Variants in PLCE1 observed in about 807,000 individuals in gnomAD.
PLCE1 encodes the protein phospholipase C epsilon 1, also known as 1-phosphatidylinositol 4,5-bisphosphate phosphodiesterase epsilon-1.
In PLCE1, 119 loss-of-function variants were observed where a neutral mutation model predicts 242.8. The observed-to-expected ratio is 0.49, with a 90% CI of 0.42 to 0.57. The LOEUF (loss-of-function observed/expected upper bound fraction) is 0.57, where lower values mean the gene tolerates loss of function less well. PLCE1 is among the 20% of genes least tolerant of loss of function. The pLI is 0.00. For synonymous variants in PLCE1, 945 were observed against 1,017.4 expected, an observed-to-expected ratio of 0.93 and a Z score of 1.35; for missense variants, 2,441 against 2,788.8, an observed-to-expected ratio of 0.88 and a Z score of 2.81.
intron 32 of PLCE1, among the ~76,000 whole-genome samples, chr10:94,326,300 C>T (rs1375795304): frequency 6.6e-6 from 1 of 152,186 alleles, no homozygotes; most frequent in Non-Finnish European, 1.5e-5. Context: ...CTCAGTGATG[C>T]CTCTTCCCAG....
At chr10:94,179,089 C>G (rs1045504214) in intron 4 of PLCE1, among the ~76,000 whole-genome samples, 3 of 152,184 alleles carry the variant, frequency 2.0e-5, no homozygotes, top group Non-Finnish European at 4.4e-5. Context: ...AAGCACATCT[C>G]CCCTCTCAGA....
intron 2 of PLCE1, among the ~76,000 whole-genome samples, chr10:94,082,600 CAG>C (rs2044685297): frequency 6.6e-6 from 1 of 152,174 alleles, no homozygotes; most frequent in Non-Finnish European, 1.5e-5. Flanking sequence ...CATCATATAT[CAG>C]AGCCCAGCAC....
intron 2 of PLCE1, among the ~76,000 whole-genome samples, chr10:94,098,208 C>T (rs1319847950): frequency 2.6e-5 from 4 of 152,278 alleles, no homozygotes; most frequent in Middle Eastern, 3.4e-3. Context: ...TGGGGATTCA[C>T]CATTCCTTCC....
chr10:94,191,311 C>T lies in PLCE1; in HGVS notation c.1809+19815C>T, dbSNP rs560770846. Among the ~76,000 whole-genome samples, 19 of 152,078 alleles carry T rather than the reference C, an allele frequency of 1.2e-4. 1 individual carries two copies. Among genetic ancestry groups the T allele is most frequent in the South Asian group, 4.2e-4 (2 of 4,798 alleles). On this transcript the variant is annotated intron_variant, in intron 4 of 32. Coordinates refer to ENST00000371380, the MANE Select transcript of PLCE1 (RefSeq NM_016341.4). ...TAGAGCAGAGAGGACCCCCCCTGCC[C>T]CAAACAGAAAAACCATGTTGTACAA...
intron 28 of PLCE1, 39 bp from the exon 29 acceptor site, chr10:94,316,508 T>C (rs1040155639): frequency 1.5e-6 from 2 of 1,329,106 alleles, no homozygotes; most frequent in African/African-American, 2.9e-5. Flanking sequence ...GTTTTAAGTT[T>C]TTGCCTCACT....
At chr10:94,305,520 C>A (rs865823565) in intron 25 of PLCE1, among the ~76,000 whole-genome samples, 10 of 152,158 alleles carry the variant, frequency 6.6e-5, no homozygotes, top group African/African-American at 9.7e-5. Flanking sequence ...GAATGCCAGG[C>A]AGCCCTCCAA....
At chr10:94,071,513 T>G in intron 2 of PLCE1, among the ~76,000 whole-genome samples, 1 of 144,418 alleles carries the variant, frequency 6.9e-6, no homozygotes, top group African/African-American at 2.6e-5. Flanking sequence ...TTTTTTTTTT[T>G]TTTGAGTCAC....
rs766889991 is a variant in PLCE1 at position 94,316,500 on chromosome 10, TTTAAG to T, written c.6133-44_6133-40del. 11 of 1,222,442 alleles carry T rather than the reference TTTAAG, an allele frequency of 9.0e-6. No individual in the cohort carries two copies. In the African/African-American group the frequency reaches 1.7e-4, roughly 19 times the overall value. 75.7% of individuals were successfully genotyped at this position (1,222,442 alleles called of 1,614,324 possible). A position where few individuals can be genotyped will look rare whatever the true frequency, so the allele number is the denominator to read the frequency against. On this transcript the variant is annotated intron_variant, in intron 28 of 32. Coordinates refer to ENST00000371380, the MANE Select transcript of PLCE1 (RefSeq NM_016341.4). ...CTGAACACCATGAAAGTTGATTTGT[TTTAAG>T]TTTTTGCCTCACTCCTCAGTTTGCC...
rs111631849 is a variant in PLCE1, at chr10:94,068,856, C to T, written c.1206+36604C>T. Among the ~76,000 whole-genome samples, 374 of 152,306 alleles carry T rather than the reference C, an allele frequency of 2.5e-3. 1 individual carries two copies. Among genetic ancestry groups the T allele is most frequent in the African/African-American group, 4.7e-3 (195 of 41,576 alleles). ...AAAGCTTTATGGCACTAGTACCACT[C>T]GACTGTATTAATTTGTTACATGCCT... is the stretch of plus-strand genomic sequence containing the variant. On this transcript the variant is annotated intron_variant, in intron 2 of 32. Transcript: ENST00000371380.
intron 3 of PLCE1, among the ~76,000 whole-genome samples, chr10:94,168,538 A>G (rs1327937668): frequency 6.6e-6 from 1 of 152,210 alleles, no homozygotes; most frequent in African/African-American, 2.4e-5. Context: ...CAGATTTATT[A>G]GGGTTACACT....
chr10:94,221,280 G>T (rs1267464121), intron 4 of PLCE1, among the ~76,000 whole-genome samples: 1 of 152,174 alleles, frequency 6.6e-6, no homozygotes, highest in Non-Finnish European at 1.5e-5. Flanking sequence ...CCACATTTGA[G>T]AAGCACTGCC....
At chr10:94,134,463 A>G (rs2046703980) in intron 3 of PLCE1, among the ~76,000 whole-genome samples, 1 of 152,198 alleles carries the variant, frequency 6.6e-6, no homozygotes, top group Non-Finnish European at 1.5e-5. Context: ...AAATGGATTA[A>G]AAACCCAGAT....
At chr10:93,994,304 G>A (rs779049545) in intron 1 of PLCE1, among the ~76,000 whole-genome samples, 46 bp downstream of exon 1, 12 of 152,232 alleles carry the variant, frequency 7.9e-5, no homozygotes, top group Non-Finnish European at 1.8e-4. Context: ...CTGGAGAAAG[G>A]GAAGGATGGG....
chr10:94,001,399 A>G (rs183891467), intron 1 of PLCE1, among the ~76,000 whole-genome samples: 1 of 152,342 alleles, frequency 6.6e-6, no homozygotes, highest in African/African-American at 2.4e-5. Flanking sequence ...CAGAGCTATA[A>G]CAAAACTCAG....
chr10:94,270,135 G>A (rs557622626), intron 17 of PLCE1, among the ~76,000 whole-genome samples: 1 of 152,166 alleles, frequency 6.6e-6, no homozygotes, highest in Admixed American at 6.5e-5. Flanking sequence ...CTCTTTATAA[G>A]CAAGAAAGTA....
chr10:94,120,425 T>C (rs2046265955), intron 2 of PLCE1, among the ~76,000 whole-genome samples: 2 of 152,276 alleles, frequency 1.3e-5, no homozygotes, highest in South Asian at 2.1e-4. Context: ...CCAACTTATG[T>C]TGGGTCCTGT....
At chr10:94,163,030 A>G (rs542866602) in intron 3 of PLCE1, among the ~76,000 whole-genome samples, 30 of 152,268 alleles carry the variant, frequency 2.0e-4, no homozygotes, top group East Asian at 3.9e-4. Context: ...ACAGTTTGTT[A>G]TAATTTCTGT....
intron 28 of PLCE1, chr10:94,315,320 T>C: frequency 2.3e-6 from 1 of 442,354 alleles, no homozygotes; most frequent in South Asian, 1.6e-5. Context: ...GGCAGGGGCC[T>C]GAGGAGAAGG....
In PLCE1 at chr10:94,306,638, G is replaced by C. The variant is rs376573095; in HGVS notation, c.5834G>C (p.Ser1945Thr). 1 of 1,614,118 alleles carries C rather than the reference G, an allele frequency of 6.2e-7. No individual in the cohort carries two copies. The highest frequency in any genetic ancestry group is 1.3e-5 in the African/African-American group (1 of 75,052). The stretch of plus-strand genomic sequence containing the variant: ...CGTTTTGCAGTTGTGGAAAACAATA[G>C]TTCAGCGGTAACTGCTCAGAGAATC... ...FLRFAVVENN[S>T]SAVTAQRIIP... Residue 1945 changes from serine (S) to threonine (T), a missense_variant, in exon 26 of 33, where the codon AGT (serine) becomes ACT (threonine). By Grantham distance (58) the Ser-to-Thr change is moderately conservative. Around this residue, in one of 5 missense-constraint regions of PLCE1, gnomAD observed 1,004 missense variants for 1,322.7 expected, o/e 0.76. Coordinates refer to ENST00000371380, the MANE Select transcript of PLCE1 (RefSeq NM_016341.4). The surrounding 1 kb of genome is among the most constrained non-coding windows in gnomAD (Gnocchi z 5.7).
Sources: gnomAD v4.1 joint callset for allele counts (sites outside exome capture counted in the v4.1 genomes callset) on GRCh38, gnomAD v4.1.1 for gene constraint, gnomAD v4.1.1 regional missense constraint, Gnocchi (gnomAD v3.1) non-coding constraint, MANE v1.5 for transcripts, NCBI Gene and HGNC (gene_info 2026-07-23, HGNC 2026-07-21) for gene names.